The following RTN1 variants were observed in gnomAD, a reference collection of about 807,000 sequenced individuals.
The protein encoded by RTN1 is reticulon-1.
In RTN1, 25 loss-of-function variants were observed where a neutral mutation model predicts 65.5. The observed-to-expected ratio is 0.38, with a 90% CI of 0.28 to 0.53. The LOEUF is 0.53. RTN1 is among the 20% of genes least tolerant of loss of function. The probability of loss-of-function intolerance (pLI) is 0.79; values close to 1 mark genes in which losing one functional copy is unlikely to be tolerated. For synonymous variants in RTN1, 471 were observed against 447.6 expected (o/e 1.05, Z -0.66); for missense variants, 983 against 1,025.4 (o/e 0.96, Z 0.57).
At chr14:59,756,342 G>T (rs1337698981) in intron 1 of RTN1, among the ~76,000 whole-genome samples, 1 of 152,138 alleles carries the variant, frequency 6.6e-6, no homozygotes, top group Non-Finnish European at 1.5e-5. Flanking sequence ...TTAAGAAAAG[G>T]TGCCTAAAAT....
chr14:59,857,926 C>T (rs1257221890), intron 1 of RTN1, among the ~76,000 whole-genome samples: 1 of 152,184 alleles, frequency 6.6e-6, no homozygotes, highest in African/African-American at 2.4e-5. Context: ...CATCCCCATA[C>T]TCAGACTGCC....
chr14:59,861,619 C>G (rs1161376477), intron 1 of RTN1, among the ~76,000 whole-genome samples: 1 of 149,452 alleles, frequency 6.7e-6, no homozygotes, highest in Admixed American at 6.6e-5. Flanking sequence ...ACATCACTAA[C>G]TGGGAGAGAA....
chr14:59,655,064 T>A (rs995585714), intron 3 of RTN1, among the ~76,000 whole-genome samples: 4 of 152,180 alleles, frequency 2.6e-5, no homozygotes, highest in Non-Finnish European at 5.9e-5. Flanking sequence ...TAGAAACTTC[T>A]AAGGAATCCA....
chr14:59,599,996 CACTT>C (rs1881529783), intron 8 of RTN1, among the ~76,000 whole-genome samples: 2 of 152,294 alleles, frequency 1.3e-5, no homozygotes, highest in South Asian at 2.1e-4. Flanking sequence ...ATTATGGTCT[CACTT>C]ACTCGAAGCT....
intron 3 of RTN1, among the ~76,000 whole-genome samples, chr14:59,623,971 A>C (rs1464763544): frequency 6.6e-6 from 1 of 152,234 alleles, no homozygotes; most frequent in African/African-American, 2.4e-5. Flanking sequence ...GGGATAAAAT[A>C]TGACCACATT....
rs1881788070 is a variant in RTN1 at position 59,607,282 on chromosome 14, C to T, written c.1973+3G>A. On this transcript the variant is annotated splice_donor_region_variant and intron_variant, in intron 4 of 8. Coordinates refer to ENST00000267484, the MANE Select transcript of RTN1 (RefSeq NM_021136.3). ...GTGAGGGCTCCTCAGCTGAGGCACT[C>T]ACTTGAAAGGGTGGCCTTCGTCGGT... 6.2e-7 allele frequency: 1 copy of T among 1,613,446 alleles called. No homozygotes were observed. Among genetic ancestry groups the T allele is most frequent in the South Asian group, 1.1e-5 (1 of 90,902 alleles).
At position 59,607,312 on chromosome 14, in the gene RTN1, T is replaced by C. The variant is rs1881789379; in HGVS notation, c.1946A>G (p.Gln649Arg). 6 of 1,614,022 alleles carry C rather than the reference T, an allele frequency of 3.7e-6. No homozygotes were observed. Among genetic ancestry groups the C allele is most frequent in the Non-Finnish European group, 5.1e-6 (6 of 1,180,018 alleles). ...GAAAGGGTGGCCTTCGTCGGTTTTC[T>C]GCACTGCTTGTAAAACAGACTTGTA... ...RIYKSVLQAV[Q>R]KTDEGHPFKA... Residue 649 changes from glutamine to arginine, a missense_variant, in exon 4 of 9, where the codon CAG (glutamine) becomes CGG (arginine). Gln to Arg is a conservative substitution (Grantham distance 43). Around this residue, in one of 2 missense-constraint regions of RTN1, gnomAD observed 165 missense variants for 223.6 expected, o/e 0.74. Coordinates refer to ENST00000267484, the MANE Select transcript of RTN1 (RefSeq NM_021136.3).
At chr14:59,786,432 C>A (rs1414039914) in intron 1 of RTN1, among the ~76,000 whole-genome samples, 2 of 152,116 alleles carry the variant, frequency 1.3e-5, no homozygotes, top group African/African-American at 2.4e-5. Flanking sequence ...CTCTACCTTT[C>A]TTTTATGTGA....
intron 3 of RTN1, among the ~76,000 whole-genome samples, chr14:59,631,385 G>A (rs1161657610): frequency 6.6e-6 from 1 of 152,144 alleles, no homozygotes; most frequent in Non-Finnish European, 1.5e-5. Flanking sequence ...GTCATTTGTG[G>A]GGACGTTCAA....
At chr14:59,761,983 G>A (rs570604929) in intron 1 of RTN1, among the ~76,000 whole-genome samples, 20 of 152,306 alleles carry the variant, frequency 1.3e-4, no homozygotes, top group East Asian at 9.6e-4. Context: ...TTAGGAACAC[G>A]ACATGGCAGA....
intron 2 of RTN1, among the ~76,000 whole-genome samples, chr14:59,732,786 G>T (rs1214992381): frequency 1.3e-5 from 2 of 152,182 alleles, no homozygotes; most frequent in Non-Finnish European, 2.9e-5. Context: ...CATACCCCTA[G>T]GAAAAGGGCA....
At chr14:59,708,194 A>G (rs1382824914) in intron 3 of RTN1, among the ~76,000 whole-genome samples, 1 of 152,240 alleles carries the variant, frequency 6.6e-6, no homozygotes, top group African/African-American at 2.4e-5. Context: ...TATCTAACAA[A>G]ACCACTCAGA....
chr14:59,625,098 G>A (rs2140179859), intron 3 of RTN1, among the ~76,000 whole-genome samples: 1 of 152,232 alleles, frequency 6.6e-6, no homozygotes, highest in South Asian at 2.1e-4. Flanking sequence ...GAGGGAAGGA[G>A]GGAAAGAGAG....
intron 2 of RTN1, among the ~76,000 whole-genome samples, chr14:59,734,585 T>C (rs1884967049): frequency 6.6e-6 from 1 of 152,126 alleles, no homozygotes; most frequent in East Asian, 1.9e-4. Context: ...AACTTCACAA[T>C]GCAATCATGA....
At chr14:59,724,666 G>A (rs1247864977) in intron 3 of RTN1, among the ~76,000 whole-genome samples, 2 of 151,310 alleles carry the variant, frequency 1.3e-5, no homozygotes, top group Non-Finnish European at 2.9e-5. Context: ...GGTTCAGTGA[G>A]CCAAGATCAC....
intron 3 of RTN1, among the ~76,000 whole-genome samples, chr14:59,714,700 C>A (rs770395388): frequency 2.0e-4 from 30 of 152,194 alleles, no homozygotes; most frequent in Non-Finnish European, 3.8e-4. Flanking sequence ...AGAAGGACTA[C>A]GCTACAGAAG....
chr14:59,639,008 G>A, intron 3 of RTN1, among the ~76,000 whole-genome samples: 1 of 152,216 alleles, frequency 6.6e-6, no homozygotes, highest in East Asian at 1.9e-4. Flanking sequence ...TAAAGTGAGA[G>A]ATGTATGACT....
At chr14:59,768,386 T>C (rs1367697311) in intron 1 of RTN1, among the ~76,000 whole-genome samples, 1 of 152,222 alleles carries the variant, frequency 6.6e-6, no homozygotes, top group East Asian at 1.9e-4. Context: ...TCTAAGGATG[T>C]GGTAATGATC....
Position 59,803,081 on chromosome 14 carries a change from C to T in RTN1, c.242-56600G>A, listed in dbSNP as rs1380929372. On this transcript the variant is annotated intron_variant, in intron 1 of 8. Coordinates refer to ENST00000267484, the MANE Select transcript of RTN1 (RefSeq NM_021136.3). This position sits in a 1 kb window ranked among gnomAD's most constrained non-coding sequence, Gnocchi z 5.6. ...CATTTGCCATTTGCACTGGGATAAG[C>T]ACACAGGCCATGCAGAAAACCGCTG... Among the ~76,000 whole-genome samples, 1 of 151,914 alleles carries T rather than the reference C, an allele frequency of 6.6e-6. No homozygotes were observed. The highest frequency in any genetic ancestry group is 2.4e-5 in the African/African-American group (1 of 41,384).
Sources: allele counts gnomAD v4.1 joint callset (sites outside exome capture counted in the v4.1 genomes callset), GRCh38; gene constraint gnomAD v4.1.1; regional missense constraint gnomAD v4.1.1; non-coding constraint Gnocchi (gnomAD v3.1); transcripts MANE v1.5; gene names NCBI Gene and HGNC (gene_info 2026-07-23, HGNC 2026-07-21).